ZNF385D: variants seen among roughly 807,000 people sequenced by gnomAD.
ZNF385D encodes zinc finger protein 385D, also known as zinc finger protein 659.
ZNF385D carries 15 observed loss-of-function variants against 35.8 expected under a neutral mutation model. The ratio of observed to expected loss-of-function variants is 0.42; its 90% CI spans 0.28 to 0.64. The LOEUF (loss-of-function observed/expected upper bound fraction) is 0.64, where lower values mean the gene tolerates loss of function less well. Among genes scored for constraint, ZNF385D ranks in the 30% least tolerant of loss-of-function variants. The pLI, the probability that ZNF385D is intolerant of heterozygous loss-of-function variation, is 0.23. For missense variants in ZNF385D, 474 were observed against 494.6 expected (o/e 0.96, Z 0.39); for synonymous variants, 212 against 186.8 (o/e 1.13, Z -1.10).
At chr3:21,751,713 C>A (rs550009919), upstream of ZNF385D, among the ~76,000 whole-genome samples, 2 of 152,194 alleles carry the variant, frequency 1.3e-5, no homozygotes, top group East Asian at 1.9e-4. Flanking sequence ...TAGAAGTGAT[C>A]ACATCCCAGA....
At chr3:22,077,164 G>A (rs550314758) in intron 3 of ZNF385D, among the ~76,000 whole-genome samples, 8 of 151,894 alleles carry the variant, frequency 5.3e-5, no homozygotes, top group African/African-American at 1.9e-4. Flanking sequence ...TATTGCTATA[G>A]TTCAGTATTG....
At chr3:21,899,503 C>G (rs1221096952) in intron 3 of ZNF385D, among the ~76,000 whole-genome samples, 2 of 152,100 alleles carry the variant, frequency 1.3e-5, no homozygotes, top group Non-Finnish European at 2.9e-5. Flanking sequence ...AGGCTCAAAA[C>G]TTTGCATTTA....
chr3:21,699,822 C>G (rs1471263118), intron 1 of ZNF385D, among the ~76,000 whole-genome samples: 1 of 138,530 alleles, frequency 7.2e-6, no homozygotes, highest in East Asian at 2.0e-4. Flanking sequence ...TGTTTCTTTT[C>G]CTTTTTTTTT....
At chr3:21,452,012 A>G (rs1330971918) in intron 4 of ZNF385D, among the ~76,000 whole-genome samples, 1 of 152,040 alleles carries the variant, frequency 6.6e-6, no homozygotes, top group African/African-American at 2.4e-5. Flanking sequence ...CTGCACAAAT[A>G]TTGCTAAGAC....
intron 3 of ZNF385D, among the ~76,000 whole-genome samples, chr3:21,854,462 C>A (rs1272077320): frequency 6.6e-6 from 1 of 152,026 alleles, no homozygotes; most frequent in African/African-American, 2.4e-5. Context: ...GGCACGCAAC[C>A]TTGGCAATAA....
chr3:22,098,106 T>C lies in ZNF385D; in HGVS notation c.325+70711A>G, dbSNP rs147123230. Among the ~76,000 whole-genome samples the C allele has an allele frequency of 2.6e-5, 4 of 152,136 alleles. No homozygotes were observed. The East Asian group carries it at 5.8e-4, about 22-fold the overall frequency. On this transcript the variant is annotated intron_variant, in intron 3 of 5. Coordinates refer to the ZNF385D transcript ENST00000494108. ...GGTGGTATATGTTGGGAAAAGACTG[T>C]CCACAAAACATGACTGAAATAGAAT...
At chr3:22,237,533 T>G (rs915183457) in intron 2 of ZNF385D, among the ~76,000 whole-genome samples, 3 of 152,232 alleles carry the variant, frequency 2.0e-5, no homozygotes, top group Non-Finnish European at 4.4e-5. Context: ...TGTGTTATTT[T>G]GTTGCCTTTG....
In ZNF385D at chr3:22,365,830, A is replaced by G. The variant is rs552959600; in HGVS notation, c.106+6620T>C. 6.6e-5 allele frequency among the ~76,000 whole-genome samples: 10 copies of G among 152,240 alleles called. No homozygotes were observed. In the South Asian group the frequency reaches 2.1e-3, roughly 32 times the overall value. On this transcript the variant is annotated intron_variant, in intron 2 of 5. Transcript: ENST00000494108. ...AGCATCCTCTGAAAGAGGTGAAAAG[A>G]TAAAGCCCCTAGACATAGCATTCAC... is the stretch of plus-strand genomic sequence containing the variant.
At chr3:21,798,378 C>T (rs779428676) in intron 3 of ZNF385D, among the ~76,000 whole-genome samples, 2 of 152,236 alleles carry the variant, frequency 1.3e-5, no homozygotes, top group African/African-American at 4.8e-5. Flanking sequence ...GAGGTCTGTA[C>T]GACTGAAGTC....
chr3:21,422,796 T>C (rs1482067117), intron 7 of ZNF385D, among the ~76,000 whole-genome samples: 1 of 152,162 alleles, frequency 6.6e-6, no homozygotes, highest in Non-Finnish European at 1.5e-5. Context: ...CACCCCTTCA[T>C]GATAAAACTC....
intron 1 of ZNF385D, 85 bp downstream of exon 1, chr3:21,750,810 C>T: frequency 6.4e-7 from 1 of 1,561,288 alleles, no homozygotes; most frequent in Non-Finnish European, 8.8e-7. Flanking sequence ...CATATTCTTG[C>T]TGCTTAAAGA....
intron 2 of ZNF385D, among the ~76,000 whole-genome samples, chr3:21,630,380 T>G (rs13082059): frequency 0.17 from 26,177 of 151,926 alleles, 2,385 homozygotes; most frequent in African/African-American, 0.23. Flanking sequence ...TGATTTTGTA[T>G]TTTTAGTAGA....
At chr3:21,961,554 TAA>T (rs1702593955) in intron 3 of ZNF385D, 1 of 152,146 alleles carries the variant, frequency 6.6e-6, no homozygotes, top group Admixed American at 6.6e-5. Context: ...TAGTGATAAA[TAA>T]ATTTATTTCA....
intron 3 of ZNF385D, among the ~76,000 whole-genome samples, chr3:22,097,921 A>G (rs12491081): frequency 0.43 from 64,635 of 151,824 alleles, 14,574 homozygotes; most frequent in African/African-American, 0.57. Context: ...AGACAGTGGC[A>G]TTGTCATTTA....
intron 2 of ZNF385D, among the ~76,000 whole-genome samples, chr3:22,313,121 C>G (rs1040313129): frequency 6.6e-6 from 1 of 151,816 alleles, no homozygotes; most frequent in African/African-American, 2.4e-5. Flanking sequence ...AAACTGGAAA[C>G]CATCATTCTC....
intron 3 of ZNF385D, among the ~76,000 whole-genome samples, chr3:21,538,439 A>C (rs2062090381): frequency 6.6e-6 from 1 of 152,048 alleles, no homozygotes; most frequent in Non-Finnish European, 1.5e-5. Context: ...GTTAACTTTC[A>C]CTCTTTTACA....
chr3:21,605,958 G>A (rs907639247), intron 2 of ZNF385D, among the ~76,000 whole-genome samples: 1 of 151,400 alleles, frequency 6.6e-6, no homozygotes, highest in Admixed American at 6.5e-5. Context: ...ATCTTAAAAC[G>A]TGCAGACTGT....
At chr3:22,142,406 T>C (rs1053432332) in intron 3 of ZNF385D, among the ~76,000 whole-genome samples, 4 of 152,216 alleles carry the variant, frequency 2.6e-5, no homozygotes, top group Admixed American at 6.5e-5. Context: ...CAAATTTAAA[T>C]TGGTGACGTA....
intron 2 of ZNF385D, among the ~76,000 whole-genome samples, chr3:22,198,883 G>C (rs139131771): frequency 5.9e-5 from 9 of 151,994 alleles, no homozygotes; most frequent in South Asian, 4.1e-4. Context: ...TATTCCCCTC[G>C]TGATACACAT....
Sources: allele counts gnomAD v4.1 joint callset (sites outside exome capture counted in the v4.1 genomes callset), GRCh38; gene constraint gnomAD v4.1.1; transcripts MANE v1.5; gene names NCBI Gene and HGNC (gene_info 2026-07-23, HGNC 2026-07-21).